LAMA5: variants seen among roughly 807,000 people sequenced by gnomAD.
LAMA5 encodes laminin subunit alpha 5, also known as laminin subunit alpha-5.
In LAMA5, 260 loss-of-function variants were observed where a neutral mutation model predicts 433.4. That is an observed-to-expected ratio of 0.60 (90% CI 0.54 to 0.66). The LOEUF (loss-of-function observed/expected upper bound fraction) is 0.66, where lower values mean the gene tolerates loss of function less well. Ranked by LOEUF, LAMA5 falls within the 30% of genes least tolerant of loss-of-function variation. The pLI is 0.00. For synonymous variants in LAMA5, 2,620 were observed against 2,226.6 expected (o/e 1.18, Z -4.97); for missense variants, 5,378 against 5,258.5 (o/e 1.02, Z -0.70).
chr20:62,311,816 T>TGGGCGC, intron 70 of LAMA5, 32 bp from the exon 71 acceptor site: 2 of 1,521,012 alleles, frequency 1.3e-6, no homozygotes, highest in Non-Finnish European at 1.8e-6. Context: ...GCTCGGTTTT[T>TGGGCGC]CCCCACCCTG....
Position 62,325,355 on chromosome 20 carries a change from C to A in LAMA5, c.5490G>T (p.Leu1830=). The change falls in exon 41 of 80, where the codon CTG becomes CTT. Residue 1830 remains leucine, a synonymous_variant. Coordinates refer to ENST00000252999, the MANE Select transcript of LAMA5 (RefSeq NM_005560.6). ...GQGALASNVE[L]CLCPASYRGD... ...CCCGGTAGCTGGCGGGGCACAGGCA[C>A]AGCTCCACATTGCTGGCCAGGGCCC... is the stretch of plus-strand genomic sequence containing the variant. The A allele has an allele frequency of 6.2e-7, 1 of 1,604,522 alleles. No homozygotes were observed. The highest frequency in any genetic ancestry group is 8.5e-7 in the Non-Finnish European group (1 of 1,174,446).
intron 11 of LAMA5, among the ~76,000 whole-genome samples, chr20:62,341,657 A>T (rs6121989): frequency 0.54 from 82,801 of 152,066 alleles, 26,439 homozygotes; most frequent in East Asian, 0.75. Context: ...AAGCTATTTT[A>T]AAAAAGTGAT....
At chr20:62,361,928 GA>G (rs1986172058) in intron 2 of LAMA5, among the ~76,000 whole-genome samples, 1 of 152,154 alleles carries the variant, frequency 6.6e-6, no homozygotes, top group Admixed American at 6.5e-5. Context: ...GCAGGCACCC[GA>G]CCCCACCTAA....
In LAMA5 at chr20:62,309,333, GTCCTAGGCGGCTGGGCA is replaced by G; in HGVS notation, c.11074_*2del. The G allele has an allele frequency of 6.3e-7, 1 of 1,591,682 alleles. No individual in the cohort carries two copies. The highest frequency in any genetic ancestry group is 8.5e-7 in the Non-Finnish European group (1 of 1,177,380). On this transcript the variant is annotated stop_lost and 3_prime_UTR_variant, in exon 80 of 80. Coordinates refer to ENST00000252999, the MANE Select transcript of LAMA5 (RefSeq NM_005560.6). ...CTGACCAGGGGCCGGGGTTGGCTGT[GTCCTAGGCGGCTGGGCA>G]GCCACTGGCCCCCACTGCCCCGTGG...
rs1469504528 is a variant in LAMA5, at chr20:62,311,518, G to C, written c.9825C>G (p.Arg3275=). The part of the protein sequence containing the change: ...VFVQRLLGPQ[R]VFDLQQNLGS... ...CCAGGTTCTGCTGCAGATCAAATACGCGCTGTGGGCCCAGGAGCCTGTGCA... is the reference window on the plus strand; with the variant it reads ...CCAGGTTCTGCTGCAGATCAAATACCCGCTGTGGGCCCAGGAGCCTGTGCA... The change falls in exon 72 of 80, where the codon CGC becomes CGG. Residue 3275 remains arginine (R), a synonymous_variant. Transcript: ENST00000252999. 2 of 1,610,106 alleles carry C rather than the reference G, an allele frequency of 1.2e-6. No homozygotes were observed. The highest frequency in any genetic ancestry group is 1.7e-6 in the Non-Finnish European group (2 of 1,178,224).
rs1987578696 is a variant in LAMA5, at chr20:62,320,546, T to C, written c.6759+13A>G. Reference sequence around the variant, plus strand: ...AAGCCTCCCGGGGCCCTGGGGGGTCTTGGGGCTCCTGCCTGGCCGCCTAGC... The same window carrying C: ...AAGCCTCCCGGGGCCCTGGGGGGTCCTGGGGCTCCTGCCTGGCCGCCTAGC... On this transcript the variant is annotated intron_variant, in intron 50 of 79. Coordinates refer to ENST00000252999, the MANE Select transcript of LAMA5 (RefSeq NM_005560.6). The C allele has an allele frequency of 6.3e-7, 1 of 1,577,702 alleles. No individual in the cohort carries two copies. Among genetic ancestry groups the C allele is most frequent in the Non-Finnish European group, 8.6e-7 (1 of 1,168,398 alleles).
Position 62,346,713 on chromosome 20 carries a change from T to A in LAMA5, c.1160A>T (p.Tyr387Phe), listed in dbSNP as rs1409913368. ...GTCGATACAGACACCCCCACCCTGA[T>A]AGGTGCCATCCAGGCTCTGGCTGGC... Reference protein sequence around the residue: ...RRASQSLDGTYQGGGVCIDCQ... With the variant: ...RRASQSLDGTFQGGGVCIDCQ... Residue 387 changes from tyrosine to phenylalanine, a missense_variant, in exon 8 of 80, where the codon TAT becomes TTT. Tyr to Phe is a conservative substitution (Grantham distance 22). Coordinates refer to ENST00000252999, the MANE Select transcript of LAMA5 (RefSeq NM_005560.6). 2 of 1,613,004 alleles carry A rather than the reference T, an allele frequency of 1.2e-6. No individual in the cohort carries two copies. Among genetic ancestry groups the A allele is most frequent in the Non-Finnish European group, 1.7e-6 (2 of 1,179,816 alleles).
intron 58 of LAMA5, among the ~76,000 whole-genome samples, chr20:62,315,594 G>A (rs1053237119): frequency 9.9e-5 from 15 of 152,122 alleles, no homozygotes; most frequent in African/African-American, 2.4e-4. Context: ...GGTCCTCACC[G>A]CCCAAGGTCT....
Position 62,330,942 on chromosome 20 carries a change from G to A in LAMA5, c.3653C>T (p.Ala1218Val). Reference protein sequence around the residue: ...SSHGAFGPNSAACLPSRFPKP... With the variant: ...SSHGAFGPNSVACLPSRFPKP... ...TGGGAAGCGCGAGGGCAGACAGGCG[G>A]CACTGGTGAGAGCACAGTGGGTGAG... The change falls in exon 30 of 80, where the codon GCC becomes GTC. Residue 1218 changes from alanine to valine, a missense_variant and splice_region_variant. Ala to Val is a moderately conservative substitution (Grantham distance 64). Transcript: ENST00000252999. 1 of 1,552,842 alleles carries A rather than the reference G, an allele frequency of 6.4e-7. No individual in the cohort carries two copies. Among genetic ancestry groups the A allele is most frequent in the East Asian group, 2.4e-5 (1 of 41,036 alleles).
rs1361383003 is a variant in LAMA5 at position 62,319,637 on chromosome 20, C to T, written c.6871+47G>A. Reference sequence around the variant, plus strand: ...CAGGCACCCCCACCCCTACCCCAGGCAGCCCTCCTGGCTCTGAGCCCTGAG... The same window carrying T: ...CAGGCACCCCCACCCCTACCCCAGGTAGCCCTCCTGGCTCTGAGCCCTGAG... On this transcript the variant is annotated intron_variant, in intron 51 of 79. Transcript: ENST00000252999. 12 of 1,386,208 alleles carry T rather than the reference C, an allele frequency of 8.7e-6. No individual in the cohort carries two copies. The South Asian group carries it at 9.9e-5, about 11-fold the overall frequency. The allele number at this position is 1,386,208 out of a possible 1,614,324, so 85.9% of individuals were successfully genotyped here.
chr20:62,336,152 C>T (rs1212411514), intron 18 of LAMA5, among the ~76,000 whole-genome samples, 188 bp downstream of exon 18: 1 of 150,674 alleles, frequency 6.6e-6, no homozygotes, highest in African/African-American at 2.4e-5. Flanking sequence ...CGCACCCCAA[C>T]ATTCCCTTCA....
rs769803094 is a variant in LAMA5 at position 62,322,381 on chromosome 20, G to A, written c.6234C>T (p.Gly2078=). ...RPCACGPAAE[G]SECHPQSGQC... ...GTCCGCTCTGGGGGTGGCACTCGGA[G>A]CCCTCGGCGGCCGGTCCACAAGCAC... Residue 2078 remains glycine, a synonymous_variant, in exon 47 of 80, where the codon GGC becomes GGT. Transcript: ENST00000252999. The A allele has an allele frequency of 1.3e-6, 2 of 1,590,388 alleles. No individual in the cohort carries two copies. The highest frequency in any genetic ancestry group is 1.1e-5 in the South Asian group (1 of 88,256).
At position 62,365,856 on chromosome 20, in the gene LAMA5, G is replaced by C. The variant is rs528162638; in HGVS notation, c.297+1093C>G. On this transcript the variant is annotated intron_variant, in intron 1 of 79. Transcript: ENST00000252999. ...GCTTAAGGAGAGAACGGTGAGCCCAGAAGCCTGGGGAGGCTCCTTCCCCCT... is the reference window on the plus strand; with the variant it reads ...GCTTAAGGAGAGAACGGTGAGCCCACAAGCCTGGGGAGGCTCCTTCCCCCT... Among the ~76,000 whole-genome samples, 214 of 152,200 alleles carry C rather than the reference G, an allele frequency of 1.4e-3. 1 individual carries two copies. Among genetic ancestry groups the C allele is most frequent in the African/African-American group, 4.6e-3 (193 of 41,512 alleles).
Position 62,312,034 on chromosome 20 carries a change from A to G in LAMA5, c.9521T>C (p.Val3174Ala). ...GCTCACACGGCCCTGCTGCAGGGAC[A>G]CCTGGCATAGCCCATCCTGGGGACG... ...YRASPDGLCQVSLQQGRVSLQ... is the reference protein window; with the variant it reads ...YRASPDGLCQASLQQGRVSLQ... Residue 3174 changes from valine to alanine, a missense_variant, in exon 70 of 80, where the codon GTG becomes GCG. Transcript: ENST00000252999. 1.9e-6 allele frequency: 3 copies of G among 1,612,490 alleles called. No individual in the cohort carries two copies. The highest frequency in any genetic ancestry group is 2.5e-6 in the Non-Finnish European group (3 of 1,179,800).
chr20:62,345,890 G>C lies in LAMA5; in HGVS notation c.1418-13C>G, dbSNP rs984124355. On this transcript the variant is annotated splice_polypyrimidine_tract_variant and intron_variant, in intron 10 of 79. Transcript: ENST00000252999. ...GACGAGGGCGTCGCTGAGGGGAAGA[G>C]ACACGCATGTTGGCCAGGTCTGCTC... The C allele has an allele frequency of 1.9e-6, 3 of 1,555,984 alleles. No individual in the cohort carries two copies. Among genetic ancestry groups the C allele is most frequent in the Admixed American group, 3.9e-5 (2 of 51,566 alleles).
intron 35 of LAMA5, 64 bp from the exon 36 acceptor site, chr20:62,328,074 G>A (rs575619719): frequency 4.0e-5 from 64 of 1,596,446 alleles, no homozygotes; most frequent in Non-Finnish European, 5.0e-5. Flanking sequence ...GTGAGACCTC[G>A]TAGGCACCCC....
rs1000734184 is a variant in LAMA5, at chr20:62,330,583, G to A, written c.3884C>T (p.Thr1295Met). ...ATVVFTTHVP[T>M]LGRYAFLLHG... The stretch of plus-strand genomic sequence containing the variant: ...CAGCAGGAAGGCATAGCGGCCCAGC[G>A]TGGGCACATGGGTGGTGAAGACCAC... The change falls in exon 31 of 80, where the codon ACG becomes ATG. Residue 1295 changes from threonine (T) to methionine (M), a missense_variant. Thr to Met is a moderately conservative substitution (Grantham distance 81, BLOSUM62 -1). Coordinates refer to ENST00000252999, the MANE Select transcript of LAMA5 (RefSeq NM_005560.6). 2.2e-5 allele frequency: 35 copies of A among 1,593,422 alleles called. No individual in the cohort carries two copies. Among genetic ancestry groups the A allele is most frequent in the Admixed American group, 1.4e-4 (8 of 56,188 alleles).
At position 62,330,855 on chromosome 20, in the gene LAMA5, G is replaced by A. The variant is rs1273670913; in HGVS notation, c.3740C>T (p.Pro1247Leu). ...CQVIPLPPGL[P>L]LTHAQDLTPA... ...AGTGAGATCCTGCGCGTGGGTCAGC[G>A]GGAGGCCGGGCGGCAGCGGGATCAC... The change falls in exon 30 of 80, where the codon CCG (proline) becomes CTG (leucine). Residue 1247 changes from proline to leucine, a missense_variant. Physicochemically the swap from Pro to Leu is moderately conservative, Grantham distance 98. Transcript: ENST00000252999. 38 of 1,541,018 alleles carry A rather than the reference G, an allele frequency of 2.5e-5. No homozygotes were observed. The highest frequency in any genetic ancestry group is 4.0e-5 in the Admixed American group (2 of 49,990).
intron 35 of LAMA5, 47 bp downstream of exon 35, chr20:62,328,194 T>C: frequency 6.5e-7 from 1 of 1,539,488 alleles, no homozygotes; most frequent in East Asian, 2.3e-5. Context: ...GGAAATGCTG[T>C]CCTTAAGGCC....
Sources: gnomAD v4.1 joint callset for allele counts (sites outside exome capture counted in the v4.1 genomes callset) on GRCh38, gnomAD v4.1.1 for gene constraint, MANE v1.5 for transcripts, NCBI Gene and HGNC (gene_info 2026-07-23, HGNC 2026-07-21) for gene names.